The following DLGAP3 variants were observed in gnomAD, a reference collection of about 807,000 sequenced individuals.
DLGAP3 encodes the protein DLG associated protein 3, also known as disks large-associated protein 3.
In DLGAP3, 17 loss-of-function variants were observed where a neutral mutation model predicts 81.2. The observed-to-expected ratio is 0.21, with a 90% CI of 0.14 to 0.31. The LOEUF is 0.31. Among genes scored for constraint, DLGAP3 ranks in the 10% least tolerant of loss-of-function variants. The pLI is 1.00. For synonymous variants in DLGAP3, 577 were observed against 587.4 expected (o/e 0.98, Z 0.26); for missense variants, 1,124 against 1,388.0 (o/e 0.81, Z 3.02).
chr1:34,904,871 C>T lies in DLGAP3; in HGVS notation c.513G>A (p.Arg171=), dbSNP rs750650239. ...EPRSESPSRI[R]HLVHSVQKLF... ...GCTTCTGCACAGAATGAACCAGGTG[C>T]CGGATGCGGCTAGGGCTCTCACTGC... is the stretch of plus-strand genomic sequence containing the variant. Residue 171 remains arginine (R), a synonymous_variant, in exon 3 of 12, where the codon CGG becomes CGA. Coordinates refer to ENST00000373347, the MANE Select transcript of DLGAP3 (RefSeq NM_001080418.3). The surrounding 1 kb of genome is among the most constrained non-coding windows in gnomAD (Gnocchi z 8.1). 15 of 1,610,334 alleles carry T rather than the reference C, an allele frequency of 9.3e-6. No individual in the cohort carries two copies. The Admixed American group carries it at 1.2e-4, about 13-fold the overall frequency.
At chr1:34,879,803 T>A (rs1467239128) in intron 8 of DLGAP3, among the ~76,000 whole-genome samples, 1 of 152,022 alleles carries the variant, frequency 6.6e-6, no homozygotes, top group Non-Finnish European at 1.5e-5. Context: ...CCAAAACTTA[T>A]GAGATATAGC....
chr1:34,908,430 A>G (rs771292423), intron 1 of DLGAP3, among the ~76,000 whole-genome samples: 8 of 152,220 alleles, frequency 5.3e-5, no homozygotes, highest in Admixed American at 2.6e-4. Context: ...CAACAAGCAC[A>G]GGGAGAAGAG....
intron 5 of DLGAP3, among the ~76,000 whole-genome samples, chr1:34,890,198 TG>T (rs1327878552): frequency 1.3e-5 from 2 of 152,206 alleles, no homozygotes; most frequent in African/African-American, 4.8e-5. Flanking sequence ...TGAACCTTCA[TG>T]GGCCACACCC....
chr1:34,929,373 G>C lies in DLGAP3; in HGVS notation c.-135+78C>G, dbSNP rs1183472202. 6.7e-6 allele frequency: 1 copy of C among 148,296 alleles called. No homozygotes were observed. Among genetic ancestry groups the C allele is most frequent in the African/African-American group, 2.4e-5 (1 of 41,008 alleles). The allele number at this position is 148,296 out of a possible 1,614,324, so 9.2% of individuals were successfully genotyped here. Reference sequence around the variant, plus strand: ...CCGGGGCGTGGGCGGCGCCGGGGCCGCAGCCGGGCCGTGCCTGGGGGGCGC... The same window carrying C: ...CCGGGGCGTGGGCGGCGCCGGGGCCCCAGCCGGGCCGTGCCTGGGGGGCGC... On this transcript the variant is annotated intron_variant, in intron 1 of 11. Coordinates refer to ENST00000373347, the MANE Select transcript of DLGAP3 (RefSeq NM_001080418.3). This position sits in a 1 kb window ranked among gnomAD's most constrained non-coding sequence, Gnocchi z 6.5.
intron 1 of DLGAP3, among the ~76,000 whole-genome samples, chr1:34,928,816 ACACT>A (rs1175874512): frequency 2.0e-5 from 3 of 151,854 alleles, no homozygotes; most frequent in Non-Finnish European, 4.4e-5. Context: ...ATCCATTCAC[ACACT>A]CACAGACACA....
In DLGAP3 at chr1:34,929,499, G is replaced by A. The variant is rs1310860311; in HGVS notation, c.-183C>T. 6.7e-6 allele frequency: 1 copy of A among 148,720 alleles called. No homozygotes were observed. Among genetic ancestry groups the A allele is most frequent in the African/African-American group, 2.4e-5 (1 of 41,084 alleles). The allele number at this position is 148,720 out of a possible 1,614,324, so 9.2% of individuals were successfully genotyped here. The stretch of plus-strand genomic sequence containing the variant: ...GGGTTACATGGTGCCGGCGGCCCGG[G>A]CCGGGGGCGCTGCGGCGTTGGGCAG... On this transcript the variant is annotated 5_prime_UTR_variant, in exon 1 of 12. Transcript: ENST00000373347. This position sits in a 1 kb window ranked among gnomAD's most constrained non-coding sequence, Gnocchi z 6.5.
chr1:34,887,111 C>T (rs778358742), intron 5 of DLGAP3, among the ~76,000 whole-genome samples: 2 of 151,836 alleles, frequency 1.3e-5, no homozygotes, highest in East Asian at 1.9e-4. Flanking sequence ...CCTGCCACGA[C>T]GCCCGGCTAA....
Position 34,927,101 on chromosome 1 carries a change from C to T in DLGAP3, c.-135+2350G>A, listed in dbSNP as rs35282010. Among the ~76,000 whole-genome samples the T allele has an allele frequency of 1.8e-3, 278 of 152,312 alleles. 2 individuals are homozygous for T. Among genetic ancestry groups the T allele is most frequent in the Admixed American group, 5.1e-3 (78 of 15,300 alleles). On this transcript the variant is annotated intron_variant, in intron 1 of 11. Coordinates refer to ENST00000373347, the MANE Select transcript of DLGAP3 (RefSeq NM_001080418.3). Reference sequence around the variant, plus strand: ...GAATCAAGACAAGACAAGCCCATGGCCTACCTCGGTGGTGGGTGTGGCTAG... The same window carrying T: ...GAATCAAGACAAGACAAGCCCATGGTCTACCTCGGTGGTGGGTGTGGCTAG...
chr1:34,886,818 T>C (rs1399428998), intron 5 of DLGAP3, among the ~76,000 whole-genome samples: 1 of 150,528 alleles, frequency 6.6e-6, no homozygotes, highest in Non-Finnish European at 1.5e-5. Context: ...ATATATACTA[T>C]ATATATACAC....
chr1:34,913,555 T>C (rs1321638545), intron 1 of DLGAP3, among the ~76,000 whole-genome samples: 3 of 152,212 alleles, frequency 2.0e-5, no homozygotes, highest in Non-Finnish European at 4.4e-5. Context: ...AGAGCACTGA[T>C]TGCCCTTTGA....
Position 34,908,749 on chromosome 1 carries a change from G to A in DLGAP3, c.-134-1312C>T, listed in dbSNP as rs1041415123. 9.9e-5 allele frequency among the ~76,000 whole-genome samples: 15 copies of A among 152,090 alleles called. No individual in the cohort carries two copies. The South Asian group carries it at 1.5e-3, about 15-fold the overall frequency. On this transcript the variant is annotated intron_variant, in intron 1 of 11. Transcript: ENST00000373347. ...CTAGAAATCTTCCATAGAGGACAAG[G>A]TGAGACATACCCAGCCCCTGGCCCA...
At chr1:34,905,581 AG>A (rs1240064160) in intron 2 of DLGAP3, 147 bp from the exon 3 acceptor site, 1 of 637,874 alleles carries the variant, frequency 1.6e-6, no homozygotes, top group African/African-American at 1.9e-5. Context: ...TGGACTAAAA[AG>A]TCCTTTAAAT....
intron 1 of DLGAP3, among the ~76,000 whole-genome samples, chr1:34,920,093 T>C (rs1045382644): frequency 1.3e-5 from 2 of 152,144 alleles, no homozygotes; most frequent in African/African-American, 4.8e-5. Context: ...GGGCCATGCC[T>C]GAGCTCTCCA....
Position 34,900,595 on chromosome 1 carries a change from C to T in DLGAP3, c.1108-322G>A, listed in dbSNP as rs1403569721. On this transcript the variant is annotated intron_variant, in intron 3 of 11. Coordinates refer to ENST00000373347, the MANE Select transcript of DLGAP3 (RefSeq NM_001080418.3). The surrounding 1 kb of genome is among the most constrained non-coding windows in gnomAD (Gnocchi z 5.6). Reference sequence around the variant, plus strand: ...CCCATGCCCAGCAGTCAGGCATCACCTGACCTCAGTCAACCTTCTACCCCT... The same window carrying T: ...CCCATGCCCAGCAGTCAGGCATCACTTGACCTCAGTCAACCTTCTACCCCT... Among the ~76,000 whole-genome samples the T allele has an allele frequency of 6.6e-6, 1 of 152,240 alleles. No homozygotes were observed. The highest frequency in any genetic ancestry group is 2.4e-5 in the African/African-American group (1 of 41,472).
At chr1:34,903,695 G>A (rs574675517) in intron 3 of DLGAP3, among the ~76,000 whole-genome samples, 14 of 152,284 alleles carry the variant, frequency 9.2e-5, no homozygotes, top group African/African-American at 3.4e-4. Context: ...TTGTCCCCCA[G>A]CCTAGGAAAA....
chr1:34,905,635 A>G (rs2148413107), intron 2 of DLGAP3, among the ~76,000 whole-genome samples: 1 of 152,288 alleles, frequency 6.6e-6, no homozygotes, highest in East Asian at 1.9e-4. Context: ...AAATAATCCC[A>G]TCATTCAATG....
chr1:34,866,378 G>A (rs922976308), intron 11 of DLGAP3, 77 bp from the exon 12 acceptor site: 3 of 1,257,578 alleles, frequency 2.4e-6, no homozygotes, highest in Non-Finnish European at 3.2e-6. Flanking sequence ...GCACCCCCGC[G>A]CCCAGAGTGC....
chr1:34,917,679 C>T (rs767484924), intron 1 of DLGAP3, among the ~76,000 whole-genome samples: 12 of 152,204 alleles, frequency 7.9e-5, no homozygotes, highest in Non-Finnish European at 1.6e-4. Context: ...TGCATAGAAG[C>T]TGCACAGATA....
intron 1 of DLGAP3, among the ~76,000 whole-genome samples, chr1:34,908,441 G>A (rs1639591671): frequency 6.6e-6 from 1 of 152,230 alleles, no homozygotes; most frequent in African/African-American, 2.4e-5. Context: ...GGGAGAAGAG[G>A]TGTGCAAATA....
Sources: gnomAD v4.1 joint callset for allele counts (sites outside exome capture counted in the v4.1 genomes callset) on GRCh38, gnomAD v4.1.1 for gene constraint, Gnocchi (gnomAD v3.1) non-coding constraint, MANE v1.5 for transcripts, NCBI Gene and HGNC (gene_info 2026-07-23, HGNC 2026-07-21) for gene names.